PRKG1: variants seen among roughly 807,000 people sequenced by gnomAD.
PRKG1 encodes cGMP-dependent protein kinase 1.
Under a neutral mutation model 88.1 loss-of-function variants are expected in PRKG1, and 35 were observed. That is an observed-to-expected ratio of 0.40 (90% CI 0.30 to 0.53). PRKG1 has a LOEUF of 0.53. PRKG1 is among the 20% of genes least tolerant of loss of function. The pLI is 0.59. For missense variants in PRKG1, 540 were observed against 839.8 expected (o/e 0.64, Z 4.41); for synonymous variants, 303 against 292.5 (o/e 1.04, Z -0.37).
At chr10:51,481,812 CT>C (rs1306184627) in intron 3 of PRKG1, among the ~76,000 whole-genome samples, 6 of 151,592 alleles carry the variant, frequency 4.0e-5, no homozygotes, top group African/African-American at 1.5e-4. Context: ...AGTTAATGCA[CT>C]TCATTATTTC....
intron 2 of PRKG1, among the ~76,000 whole-genome samples, chr10:51,184,397 TG>T (rs1218518052): frequency 6.6e-6 from 1 of 152,244 alleles, no homozygotes; most frequent in African/African-American, 2.4e-5. Context: ...TGTTGCTTTT[TG>T]TTCCATTACC....
At chr10:52,216,341 C>G (rs1194498) in intron 9 of PRKG1, among the ~76,000 whole-genome samples, 33,508 of 152,080 alleles carry the variant, frequency 0.22, 3,920 homozygotes, top group Non-Finnish European at 0.25. Flanking sequence ...GGCTCCTGGG[C>G]TGGGGATCTT....
Position 51,181,224 on chromosome 10 carries a change from A to ATTTTTTTTT in PRKG1, c.478+27914_478+27922dup, listed in dbSNP as rs1223588085. ...AAGCTGACCAAGATTATTATATAGA[A>ATTTTTTTTT]TTTTTTTTTTTTTTTTTTTTTTTTT... On this transcript the variant is annotated intron_variant, in intron 2 of 17. Transcript: ENST00000373980. 3.8e-3 allele frequency among the ~76,000 whole-genome samples: 299 copies of ATTTTTTTTT among 78,290 alleles called. 28 individuals are homozygous for ATTTTTTTTT. Among genetic ancestry groups the ATTTTTTTTT allele is most frequent in the Non-Finnish European group, 5.5e-3 (231 of 42,144 alleles). The allele number at this position is 78,290 out of a possible 152,430, so 51.4% of individuals were successfully genotyped here.
At chr10:51,278,781 T>C (rs1840206174) in intron 2 of PRKG1, among the ~76,000 whole-genome samples, 1 of 152,224 alleles carries the variant, frequency 6.6e-6, no homozygotes, top group African/African-American at 2.4e-5. Flanking sequence ...TTTGTATTTC[T>C]GTGGGATCAG....
intron 3 of PRKG1, among the ~76,000 whole-genome samples, chr10:51,554,309 G>GAACA: frequency 9.5e-6 from 1 of 105,040 alleles, no homozygotes; most frequent in African/African-American, 3.8e-5. Flanking sequence ...TATATAATAT[G>GAACA]TACATATATA....
intron 1 of PRKG1, among the ~76,000 whole-genome samples, chr10:51,135,111 A>T (rs1845657183): frequency 6.6e-6 from 1 of 152,180 alleles, no homozygotes; most frequent in African/African-American, 2.4e-5. Flanking sequence ...CAAAAGTAGA[A>T]GTAGAGGGTG....
intron 4 of PRKG1, among the ~76,000 whole-genome samples, chr10:51,818,865 G>A (rs1299490535): frequency 7.7e-6 from 1 of 130,604 alleles, no homozygotes; most frequent in African/African-American, 3.8e-5. Context: ...AAATTAGCCG[G>A]GCGTAGTGGT....
intron 1 of PRKG1, among the ~76,000 whole-genome samples, chr10:51,115,250 G>T (rs1231509453): frequency 4.2e-5 from 6 of 141,792 alleles, no homozygotes; most frequent in South Asian, 2.5e-4. Flanking sequence ...GGAGGCAGAG[G>T]TTGCAGTGAG....
At chr10:51,440,718 C>T (rs144459158) in intron 2 of PRKG1, among the ~76,000 whole-genome samples, 26 of 151,958 alleles carry the variant, frequency 1.7e-4, no homozygotes, top group African/African-American at 4.8e-4. Context: ...AAATCATCAT[C>T]GTGTTTGTCA....
chr10:52,293,360 C>A (rs1214135879), intron 17 of PRKG1, among the ~76,000 whole-genome samples: 2 of 150,202 alleles, frequency 1.3e-5, no homozygotes, highest in East Asian at 2.0e-4. Flanking sequence ...AGATTCAATG[C>A]CATCCCCATC....
At chr10:51,889,083 A>G (rs1470436546) in intron 4 of PRKG1, among the ~76,000 whole-genome samples, 2 of 142,542 alleles carry the variant, frequency 1.4e-5, no homozygotes, top group East Asian at 4.0e-4. Context: ...TTAATACTTT[A>G]AGTTCTAGGG....
Position 51,361,491 on chromosome 10 carries a change from T to A in PRKG1, c.479-106232T>A, listed in dbSNP as rs116970583. On this transcript the variant is annotated intron_variant, in intron 2 of 17. Coordinates refer to ENST00000373980, the MANE Select transcript of PRKG1 (RefSeq NM_006258.4). ...AGCCTCTGAGTCATGGTCTACGTAA[T>A]TCATTAAATTACTAGTAAGATGTTT... Among the ~76,000 whole-genome samples, 392 of 152,042 alleles carry A rather than the reference T, an allele frequency of 2.6e-3. 8 individuals carry two copies. Among genetic ancestry groups the A allele is most frequent in the East Asian group, 0.013 (68 of 5,150 alleles).
At chr10:51,362,594 T>G (rs1449656161) in intron 2 of PRKG1, among the ~76,000 whole-genome samples, 1 of 151,928 alleles carries the variant, frequency 6.6e-6, no homozygotes, top group African/African-American at 2.4e-5. Flanking sequence ...TGATTTTAAA[T>G]TATACTTTTA....
intron 12 of PRKG1, among the ~76,000 whole-genome samples, chr10:52,277,524 C>A (rs1348619016): frequency 6.6e-6 from 1 of 152,108 alleles, no homozygotes; most frequent in East Asian, 1.9e-4. Context: ...ATTATTAATT[C>A]TTTGGATCTT....
chr10:52,154,641 G>T (rs1159350992), intron 8 of PRKG1, among the ~76,000 whole-genome samples: 1 of 152,072 alleles, frequency 6.6e-6, no homozygotes, highest in Non-Finnish European at 1.5e-5. Flanking sequence ...TTATTAAGAT[G>T]CATATATTCC....
chr10:51,661,873 T>C (rs1230422312), intron 3 of PRKG1, among the ~76,000 whole-genome samples: 1 of 152,136 alleles, frequency 6.6e-6, no homozygotes. Context: ...ATGTGGCACA[T>C]ATACACCATG....
At chr10:51,976,908 T>A (rs1211787801) in intron 5 of PRKG1, among the ~76,000 whole-genome samples, 1 of 152,054 alleles carries the variant, frequency 6.6e-6, no homozygotes, top group African/African-American at 2.4e-5. Context: ...TAATCAAATA[T>A]AATCATTTTT....
At chr10:51,048,522 C>T (rs576042447) in intron 1 of PRKG1, among the ~76,000 whole-genome samples, 84 of 152,104 alleles carry the variant, frequency 5.5e-4, no homozygotes, top group Non-Finnish European at 9.6e-4. Flanking sequence ...AAAAAATCTT[C>T]GTTTATATGA....
At chr10:51,516,518 T>C (rs925992214) in intron 3 of PRKG1, among the ~76,000 whole-genome samples, 4 of 152,188 alleles carry the variant, frequency 2.6e-5, no homozygotes, top group African/African-American at 9.6e-5. Flanking sequence ...TCAAGCTTTT[T>C]GGCTTGAAGG....
Sources: gnomAD v4.1 joint callset for allele counts (sites outside exome capture counted in the v4.1 genomes callset) on GRCh38, gnomAD v4.1.1 for gene constraint, MANE v1.5 for transcripts, NCBI Gene and HGNC (gene_info 2026-07-23, HGNC 2026-07-21) for gene names.